The following CRADD variants were observed in gnomAD, a reference collection of about 807,000 sequenced individuals.
CRADD encodes the protein death domain-containing protein CRADD.
Under a neutral mutation model 15.5 loss-of-function variants are expected in CRADD, and 9 were observed. The ratio of observed to expected loss-of-function variants is 0.58; its 90% CI spans 0.35 to 1.01. The LOEUF is 1.01. Ranked by LOEUF, CRADD falls within the 50% of genes least tolerant of loss-of-function variation. The probability of loss-of-function intolerance (pLI) is 0.02; values close to 1 mark genes in which losing one functional copy is unlikely to be tolerated. For synonymous variants in CRADD, 118 were observed against 107.6 expected, an observed-to-expected ratio of 1.10 and a Z score of -0.60; for missense variants, 227 against 250.3, an observed-to-expected ratio of 0.91 and a Z score of 0.63.
chr12:93,679,127 T>G, intron 2 of CRADD, 55 bp downstream of exon 2: 4 of 1,375,002 alleles, frequency 2.9e-6, no homozygotes, highest in South Asian at 1.3e-5. Flanking sequence ...AACTATGCTC[T>G]TTGCTTTTTT....
intron 2 of CRADD, among the ~76,000 whole-genome samples, chr12:93,746,049 A>G (rs1956744267): frequency 6.6e-6 from 1 of 152,258 alleles, no homozygotes; most frequent in Admixed American, 6.5e-5. Flanking sequence ...GAATAGGGTT[A>G]GGGCAAAGAA....
chr12:93,700,663 C>A (rs945513224), intron 2 of CRADD, among the ~76,000 whole-genome samples: 1 of 152,182 alleles, frequency 6.6e-6, no homozygotes, highest in Admixed American at 6.5e-5. Flanking sequence ...ATCTCCTGAC[C>A]TCGTGATCTG....
intron 2 of CRADD, among the ~76,000 whole-genome samples, chr12:93,684,008 C>T (rs1349427002): frequency 6.6e-6 from 1 of 151,966 alleles, no homozygotes; most frequent in Non-Finnish European, 1.5e-5. Context: ...ATAGCAAGAC[C>T]CTTCCCTCGG....
At chr12:93,803,657 A>G (rs1593003298) in intron 2 of CRADD, among the ~76,000 whole-genome samples, 2 of 151,646 alleles carry the variant, frequency 1.3e-5, no homozygotes, top group East Asian at 1.9e-4. Flanking sequence ...CTTCCAGCTG[A>G]AATGGAAAAG....
intron 2 of CRADD, among the ~76,000 whole-genome samples, chr12:93,691,255 CTTTT>C (rs66640128): frequency 7.1e-6 from 1 of 141,520 alleles, no homozygotes; most frequent in Non-Finnish European, 1.6e-5. Flanking sequence ...CTTTTGTTTT[CTTTT>C]TTTTTTTTTT....
chr12:93,696,172 A>G (rs1375672209), intron 2 of CRADD, among the ~76,000 whole-genome samples: 3 of 152,212 alleles, frequency 2.0e-5, no homozygotes, highest in Admixed American at 6.5e-5. Context: ...TATGGAAAAC[A>G]GTATGGAGGT....
At position 93,773,146 on chromosome 12, in the gene CRADD, A is replaced by G. The variant is rs117084166; in HGVS notation, c.299-76824A>G. ...TTAAGAGGGTTAAACATGACAGTAT[A>G]TATGCAATATGTCTTACGTAAGTCA... On this transcript the variant is annotated intron_variant, in intron 2 of 2. Transcript: ENST00000332896. Among the ~76,000 whole-genome samples, 1,088 of 152,314 alleles carry G rather than the reference A, an allele frequency of 7.1e-3. 5 individuals carry two copies. The highest frequency in any genetic ancestry group is 0.013 in the Non-Finnish European group (855 of 68,028).
At chr12:93,685,711 G>A (rs1229745564) in intron 2 of CRADD, among the ~76,000 whole-genome samples, 1 of 152,130 alleles carries the variant, frequency 6.6e-6, no homozygotes, top group African/African-American at 2.4e-5. Context: ...AAAAAAATAG[G>A]CCAGGCACAG....
intron 2 of CRADD, among the ~76,000 whole-genome samples, chr12:93,734,236 A>G (rs975679332): frequency 1.3e-5 from 2 of 152,154 alleles, no homozygotes; most frequent in Non-Finnish European, 2.9e-5. Context: ...TAAAATAGTC[A>G]AAGTCCCTTC....
intron 2 of CRADD, among the ~76,000 whole-genome samples, chr12:93,780,498 T>C (rs12321955): frequency 0.029 from 4,387 of 152,302 alleles, 207 homozygotes; most frequent in African/African-American, 0.1. Context: ...TGGGCTGGGA[T>C]TCAGATCAAG....
At chr12:93,878,736 G>A (rs1958474933) in intron 2 of CRADD, among the ~76,000 whole-genome samples, 1 of 152,204 alleles carries the variant, frequency 6.6e-6, no homozygotes, top group Non-Finnish European at 1.5e-5. Context: ...CGTTAGCTGA[G>A]TTTGGTCCTG....
At chr12:93,708,517 C>T (rs1955998092) in intron 2 of CRADD, 1 of 152,264 alleles carries the variant, frequency 6.6e-6, no homozygotes, top group Non-Finnish European at 1.5e-5. Flanking sequence ...GCTCATTCCT[C>T]TGCCTGGAAT....
intron 2 of CRADD, among the ~76,000 whole-genome samples, chr12:93,805,980 C>T (rs759495359): frequency 1.3e-5 from 2 of 152,126 alleles, no homozygotes; most frequent in Non-Finnish European, 2.9e-5. Context: ...GAAAGAAGAA[C>T]AATATGTGTG....
At chr12:93,710,089 T>C (rs1208223902) in intron 2 of CRADD, among the ~76,000 whole-genome samples, 1 of 152,204 alleles carries the variant, frequency 6.6e-6, no homozygotes, top group Non-Finnish European at 1.5e-5. Flanking sequence ...TGGGTTCAGC[T>C]GAGTGGTTTT....
At chr12:93,691,102 T>C (rs10777534) in intron 2 of CRADD, among the ~76,000 whole-genome samples, 56,675 of 151,954 alleles carry the variant, frequency 0.37, 10,801 homozygotes, top group East Asian at 0.5. Flanking sequence ...ATTAATTAGT[T>C]ATGTGCTACG....
At chr12:93,809,317 C>G (rs1024121149) in intron 2 of CRADD, among the ~76,000 whole-genome samples, 3 of 152,150 alleles carry the variant, frequency 2.0e-5, no homozygotes, top group Non-Finnish European at 4.4e-5. Context: ...TATTCTTTTG[C>G]TGTGCATATA....
intron 2 of CRADD, among the ~76,000 whole-genome samples, chr12:93,691,305 G>T (rs1295553404): frequency 1.3e-5 from 2 of 151,214 alleles, no homozygotes; most frequent in African/African-American, 4.9e-5. Flanking sequence ...CCAGGCTGGG[G>T]TGCAATGGCG....
chr12:93,728,595 A>T (rs897263065), intron 2 of CRADD, among the ~76,000 whole-genome samples: 1 of 152,206 alleles, frequency 6.6e-6, no homozygotes, highest in Non-Finnish European at 1.5e-5. Flanking sequence ...AAGAGGGGAA[A>T]ATTTTATCTC....
chr12:93,840,332 G>T (rs1163099022), intron 2 of CRADD, among the ~76,000 whole-genome samples: 1 of 151,974 alleles, frequency 6.6e-6, no homozygotes, highest in Non-Finnish European at 1.5e-5. Flanking sequence ...ATTGCTTATT[G>T]TATTTTTATT....
Sources: allele counts gnomAD v4.1 joint callset (sites outside exome capture counted in the v4.1 genomes callset), GRCh38; gene constraint gnomAD v4.1.1; transcripts MANE v1.5; gene names NCBI Gene and HGNC (gene_info 2026-07-23, HGNC 2026-07-21).